WDR7: variants seen among roughly 807,000 people sequenced by gnomAD.
WDR7 encodes the protein WD repeat domain 7.
WDR7 carries 46 observed loss-of-function variants against 169.4 expected under a neutral mutation model. That is an observed-to-expected ratio of 0.27 (90% CI 0.21 to 0.35). The LOEUF is 0.35. Ranked by LOEUF, WDR7 falls within the 10% of genes least tolerant of loss-of-function variation. The probability of loss-of-function intolerance (pLI) is 1.00; values close to 1 mark genes in which losing one functional copy is unlikely to be tolerated. For missense variants in WDR7, 1,534 were observed against 1,859.3 expected, an observed-to-expected ratio of 0.83 and a Z score of 3.22; for synonymous variants, 612 against 666.8, an observed-to-expected ratio of 0.92 and a Z score of 1.27.
chr18:56,948,986 C>G (rs1366588258), intron 25 of WDR7, among the ~76,000 whole-genome samples: 1 of 152,046 alleles, frequency 6.6e-6, no homozygotes, highest in East Asian at 1.9e-4. Context: ...TGTAAAAACC[C>G]TTCCTTCTCT....
intron 21 of WDR7, among the ~76,000 whole-genome samples, chr18:56,889,009 T>C (rs2046232084): frequency 6.6e-6 from 1 of 152,130 alleles, no homozygotes; most frequent in Admixed American, 6.5e-5. Context: ...AACTTTAATA[T>C]CCCCTTGTCA....
intron 21 of WDR7, among the ~76,000 whole-genome samples, chr18:56,919,447 G>A (rs557171013): frequency 7.2e-5 from 11 of 152,128 alleles, no homozygotes; most frequent in African/African-American, 2.6e-4. Flanking sequence ...TTGCATCAGT[G>A]ACAAAAACTC....
chr18:56,899,944 G>T (rs1291202697), intron 21 of WDR7, among the ~76,000 whole-genome samples: 1 of 151,764 alleles, frequency 6.6e-6, no homozygotes, highest in East Asian at 1.9e-4. Flanking sequence ...ATTTATGTGT[G>T]CCTAGGTGAT....
intron 20 of WDR7, among the ~76,000 whole-genome samples, chr18:56,858,202 G>T (rs1223543606): frequency 6.6e-6 from 1 of 152,106 alleles, no homozygotes; most frequent in Non-Finnish European, 1.5e-5. Context: ...AAACCTTAAA[G>T]TTATGTTTGA....
intron 13 of WDR7, among the ~76,000 whole-genome samples, chr18:56,730,607 A>G (rs1438606051): frequency 1.3e-5 from 2 of 152,112 alleles, no homozygotes; most frequent in African/African-American, 2.4e-5. Flanking sequence ...TCTACTAAAA[A>G]TACAAAAAAT....
intron 19 of WDR7, among the ~76,000 whole-genome samples, chr18:56,788,206 T>C (rs2044431851): frequency 6.6e-6 from 1 of 152,220 alleles, no homozygotes; most frequent in Non-Finnish European, 1.5e-5. Flanking sequence ...GCCAGAGTTA[T>C]TGTTTTGGCC....
At chr18:57,015,499 G>A (rs528291764) in intron 26 of WDR7, among the ~76,000 whole-genome samples, 12 of 152,156 alleles carry the variant, frequency 7.9e-5, no homozygotes, top group Admixed American at 3.3e-4. Flanking sequence ...TTTTGAAATG[G>A]CTCTTTTTTG....
intron 19 of WDR7, among the ~76,000 whole-genome samples, chr18:56,794,304 A>ATTGTTTTTTTTTTTT (rs2044543580): frequency 2.0e-5 from 1 of 49,466 alleles, no homozygotes; most frequent in Non-Finnish European, 3.8e-5. Flanking sequence ...GGTAAAGTCT[A>ATTGTTTTTTTTTTTT]TTTTTTTTTT....
intron 22 of WDR7, among the ~76,000 whole-genome samples, chr18:56,933,103 T>A (rs2046912856): frequency 6.6e-6 from 1 of 152,170 alleles, no homozygotes; most frequent in Non-Finnish European, 1.5e-5. Flanking sequence ...GAGGACACTG[T>A]AACTCTTGTC....
chr18:57,024,011 CT>C lies in WDR7; in HGVS notation c.4270-2991del, dbSNP rs1425900657. Among the ~76,000 whole-genome samples, 3 of 152,112 alleles carry C rather than the reference CT, an allele frequency of 2.0e-5. No individual in the cohort carries two copies. The East Asian group carries it at 5.8e-4, about 29-fold the overall frequency. ...TTATGAAACTACATTTTAATATAAG[CT>C]TGTTTATATAAAATTTATTAACTCT... On this transcript the variant is annotated intron_variant, in intron 27 of 27. Transcript: ENST00000254442.
rs1362814431 is a variant in WDR7, at chr18:56,757,092, A to G, written c.2499A>G (p.Val833=). ...RLGMLKPHCT[V]SFGLLSRGGH... is the part of the protein sequence containing the mutation. ...GAATGCTGAAACCCCACTGCACCGT[A>G]TCGTTTGGCCTCTTGTCAAGAGGAG... Residue 833 remains valine, a synonymous_variant, in exon 15 of 28, where the codon GTA becomes GTG. Transcript: ENST00000254442. 14 of 1,614,158 alleles carry G rather than the reference A, an allele frequency of 8.7e-6. No homozygotes were observed. The highest frequency in any genetic ancestry group is 1.2e-5 in the Non-Finnish European group (14 of 1,180,014).
At chr18:56,900,195 C>T (rs187944621) in intron 21 of WDR7, among the ~76,000 whole-genome samples, 4 of 151,472 alleles carry the variant, frequency 2.6e-5, no homozygotes, top group African/African-American at 9.7e-5. Context: ...ATAGAGTAGA[C>T]GGGCTGGACA....
intron 25 of WDR7, among the ~76,000 whole-genome samples, chr18:56,946,672 ATGTG>A (rs1284411475): frequency 1.3e-5 from 2 of 151,764 alleles, no homozygotes; most frequent in Non-Finnish European, 2.9e-5. Context: ...TATGTTATGT[ATGTG>A]TGTGTATGTA....
intron 16 of WDR7, among the ~76,000 whole-genome samples, chr18:56,775,587 A>G (rs2044229282): frequency 6.6e-6 from 1 of 152,170 alleles, no homozygotes; most frequent in African/African-American, 2.4e-5. Flanking sequence ...CAAAAATCAG[A>G]TCTCTTATAA....
chr18:56,719,807 C>G (rs1190185762), intron 13 of WDR7, among the ~76,000 whole-genome samples: 1 of 152,068 alleles, frequency 6.6e-6, no homozygotes, highest in Non-Finnish European at 1.5e-5. Flanking sequence ...GGATATTTGT[C>G]CCTCAATTTC....
At chr18:56,990,083 A>G (rs2047788292) in intron 26 of WDR7, among the ~76,000 whole-genome samples, 1 of 152,242 alleles carries the variant, frequency 6.6e-6, no homozygotes, top group Admixed American at 6.5e-5. Context: ...AGATTAGGCC[A>G]TCCTAAGCAG....
In WDR7 at chr18:57,020,862, G is replaced by T; in HGVS notation, c.4269+13G>T. On this transcript the variant is annotated intron_variant, in intron 27 of 27. Coordinates refer to ENST00000254442, the MANE Select transcript of WDR7 (RefSeq NM_015285.3). ...TTCTTTTTGGCAGGTAAGAGTAGAT[G>T]CTCCAGGGTCTTAAAGCATATACTG... 1 of 1,612,554 alleles carries T rather than the reference G, an allele frequency of 6.2e-7. No homozygotes were observed. The highest frequency in any genetic ancestry group is 8.5e-7 in the Non-Finnish European group (1 of 1,178,588).
chr18:56,816,333 C>A (rs1342441041), intron 20 of WDR7, among the ~76,000 whole-genome samples, 189 bp downstream of exon 20: 1 of 152,196 alleles, frequency 6.6e-6, no homozygotes, highest in African/African-American at 2.4e-5. Flanking sequence ...GGAACTGTTT[C>A]TTTGGTCCAG....
At chr18:56,911,410 CT>C (rs1255271679) in intron 21 of WDR7, among the ~76,000 whole-genome samples, 2 of 152,284 alleles carry the variant, frequency 1.3e-5, no homozygotes, top group East Asian at 3.9e-4. Flanking sequence ...GTTTGCTCAT[CT>C]TTTTTCCCCC....
Sources: allele counts gnomAD v4.1 joint callset (sites outside exome capture counted in the v4.1 genomes callset), GRCh38; gene constraint gnomAD v4.1.1; transcripts MANE v1.5; gene names NCBI Gene and HGNC (gene_info 2026-07-23, HGNC 2026-07-21).